ADGRB3: variants seen among roughly 807,000 people sequenced by gnomAD.
The protein encoded by ADGRB3 is brain-specific angiogenesis inhibitor 3.
A neutral mutation model predicts 193.4 loss-of-function variants in ADGRB3; 37 were observed. The observed-to-expected ratio is 0.19, with a 90% CI of 0.15 to 0.25. The LOEUF (loss-of-function observed/expected upper bound fraction) is 0.25. ADGRB3 is among the 10% of genes least tolerant of loss of function. The pLI is 1.00. For missense variants in ADGRB3, 1,637 were observed against 1,852.9 expected (o/e 0.88, Z 2.14); for synonymous variants, 690 against 644.2 (o/e 1.07, Z -1.08).
At chr6:68,927,336 A>G (rs143594959) in intron 3 of ADGRB3, among the ~76,000 whole-genome samples, 250 of 152,262 alleles carry the variant, frequency 1.6e-3, no homozygotes, top group African/African-American at 4.8e-3. Flanking sequence ...TCAACCACCC[A>G]TGAAGAATTT....
chr6:69,172,734 A>ACAGAAG lies in ADGRB3; in HGVS notation c.2481-60553_2481-60548dup, dbSNP rs1775315371. 2.6e-5 allele frequency among the ~76,000 whole-genome samples: 4 copies of ACAGAAG among 151,496 alleles called. No homozygotes were observed. The South Asian group carries it at 8.4e-4, about 32-fold the overall frequency. ...GCAAAAGAGAGACTTCTTGTTAGAG[A>ACAGAAG]CAGAAGCAATAAGAGGGGCTACTTT... is the stretch of plus-strand genomic sequence containing the variant. On this transcript the variant is annotated intron_variant, in intron 17 of 31. Coordinates refer to ENST00000370598, the MANE Select transcript of ADGRB3 (RefSeq NM_001704.3).
Position 69,327,826 on chromosome 6 carries a change from C to T in ADGRB3, c.2972C>T (p.Pro991Leu). 6.2e-7 allele frequency: 1 copy of T among 1,604,292 alleles called. No individual in the cohort carries two copies. Among genetic ancestry groups the T allele is most frequent in the Non-Finnish European group, 8.5e-7 (1 of 1,173,086 alleles). Residue 991 changes from proline to leucine, a missense_variant, in exon 22 of 32, where the codon CCA (proline) becomes CTA (leucine). By Grantham distance (98) the Pro-to-Leu change is moderately conservative. Around this residue, in one of 7 missense-constraint regions of ADGRB3, gnomAD observed 87 missense variants for 161.0 expected, o/e 0.54. Coordinates refer to ENST00000370598, the MANE Select transcript of ADGRB3 (RefSeq NM_001704.3). ...GACATTGCTTTTCTTGCAGGTTTACCAGCATTAGTAGTGGCCACATCAGTA... is the reference window on the plus strand; with the variant it reads ...GACATTGCTTTTCTTGCAGGTTTACTAGCATTAGTAGTGGCCACATCAGTA... ...KRFLCLGWGLPALVVATSVGF... is the reference protein window; with the variant it reads ...KRFLCLGWGLLALVVATSVGF...
chr6:68,662,437 A>G (rs963576908), intron 3 of ADGRB3, among the ~76,000 whole-genome samples: 2 of 151,598 alleles, frequency 1.3e-5, no homozygotes, highest in Non-Finnish European at 3.0e-5. Flanking sequence ...TTAGTCAAAT[A>G]TTGAAAAGAA....
At chr6:68,950,710 C>G (rs1279615763) in intron 6 of ADGRB3, among the ~76,000 whole-genome samples, 2 of 152,106 alleles carry the variant, frequency 1.3e-5, no homozygotes, top group African/African-American at 4.8e-5. Context: ...CCTGCCAGCT[C>G]TACATCCAGA....
At chr6:68,888,747 A>T (rs2150228126) in intron 3 of ADGRB3, among the ~76,000 whole-genome samples, 1 of 152,292 alleles carries the variant, frequency 6.6e-6, no homozygotes, top group Admixed American at 6.5e-5. Context: ...GAAGACTATG[A>T]GGAAATGACA....
intron 3 of ADGRB3, among the ~76,000 whole-genome samples, chr6:68,651,296 G>A (rs574955892): frequency 4.6e-5 from 7 of 152,286 alleles, no homozygotes; most frequent in East Asian, 3.9e-4. Context: ...TTTCAAATGT[G>A]ATGAAGTAAA....
At chr6:68,968,461 A>G (rs1041125355) in intron 8 of ADGRB3, among the ~76,000 whole-genome samples, 2 of 152,228 alleles carry the variant, frequency 1.3e-5, no homozygotes, top group African/African-American at 4.8e-5. Flanking sequence ...ATTCAACTAT[A>G]GCAACAGGTT....
chr6:69,219,472 T>C (rs1343212098), intron 17 of ADGRB3, among the ~76,000 whole-genome samples: 1 of 77,046 alleles, frequency 1.3e-5, no homozygotes, highest in Admixed American at 1.2e-4. Flanking sequence ...TATATATATA[T>C]ATATATATAT....
At chr6:68,820,584 C>G (rs1287495943) in intron 3 of ADGRB3, among the ~76,000 whole-genome samples, 1 of 151,904 alleles carries the variant, frequency 6.6e-6, no homozygotes, top group African/African-American at 2.4e-5. Context: ...CAAATACTAG[C>G]TCTTATTTAT....
At chr6:69,052,645 A>T (rs1771432589) in intron 15 of ADGRB3, among the ~76,000 whole-genome samples, 1 of 152,234 alleles carries the variant, frequency 6.6e-6, no homozygotes, top group Non-Finnish European at 1.5e-5. Context: ...AAAGACAAAA[A>T]TAATTTTGCA....
At chr6:69,264,043 A>T (rs1766982465) in intron 20 of ADGRB3, among the ~76,000 whole-genome samples, 1 of 152,046 alleles carries the variant, frequency 6.6e-6, no homozygotes, top group Non-Finnish European at 1.5e-5. Context: ...ATAAAAGGAC[A>T]GAAATGACTC....
intron 3 of ADGRB3, among the ~76,000 whole-genome samples, chr6:68,853,869 G>A (rs1234288296): frequency 2.0e-5 from 3 of 152,104 alleles, no homozygotes; most frequent in Admixed American, 6.6e-5. Flanking sequence ...TCAATATTAT[G>A]GTTTTAATTT....
chr6:69,077,926 C>G (rs1172630305), intron 17 of ADGRB3, among the ~76,000 whole-genome samples: 2 of 151,942 alleles, frequency 1.3e-5, no homozygotes, highest in African/African-American at 4.8e-5. Flanking sequence ...TAGATTGTTT[C>G]ATTATTAAAA....
chr6:69,364,388 G>C (rs1172637710), intron 29 of ADGRB3, among the ~76,000 whole-genome samples: 1 of 152,006 alleles, frequency 6.6e-6, no homozygotes, highest in African/African-American at 2.4e-5. Flanking sequence ...AAGCAACAAA[G>C]AAAGAAGGAG....
At chr6:69,101,272 T>C (rs1326182753) in intron 17 of ADGRB3, among the ~76,000 whole-genome samples, 1 of 152,114 alleles carries the variant, frequency 6.6e-6, no homozygotes, top group Non-Finnish European at 1.5e-5. Context: ...ATATAGCATG[T>C]ATGGATTGCT....
chr6:68,922,200 G>A (rs1405084943), intron 3 of ADGRB3, among the ~76,000 whole-genome samples: 2 of 152,116 alleles, frequency 1.3e-5, no homozygotes, highest in African/African-American at 4.8e-5. Context: ...TACATCTCCA[G>A]TGCTGAGAAT....
intron 17 of ADGRB3, among the ~76,000 whole-genome samples, chr6:69,191,759 G>C (rs1765192313): frequency 6.6e-6 from 1 of 152,102 alleles, no homozygotes; most frequent in Admixed American, 6.6e-5. Context: ...ACAGAGCCTT[G>C]TCTGAGACAA....
intron 13 of ADGRB3, among the ~76,000 whole-genome samples, chr6:69,025,951 T>C (rs1024589782): frequency 5.9e-5 from 9 of 152,198 alleles, no homozygotes; most frequent in Non-Finnish European, 1.3e-4. Context: ...AGGTGTGTAA[T>C]GGGCTTTCTT....
chr6:68,914,082 G>C (rs1766804318), intron 3 of ADGRB3, among the ~76,000 whole-genome samples: 3 of 152,006 alleles, frequency 2.0e-5, no homozygotes, highest in South Asian at 4.2e-4. Flanking sequence ...GTACCTGAAA[G>C]TGATGTGGAG....
Sources: gnomAD v4.1 joint callset for allele counts (sites outside exome capture counted in the v4.1 genomes callset) on GRCh38, gnomAD v4.1.1 for gene constraint, gnomAD v4.1.1 regional missense constraint, MANE v1.5 for transcripts, NCBI Gene and HGNC (gene_info 2026-07-23, HGNC 2026-07-21) for gene names.